CAPN3: variants seen among roughly 807,000 people sequenced by gnomAD.
CAPN3 encodes the protein calpain 3.
CAPN3 carries 88 observed loss-of-function variants against 114.0 expected under a neutral mutation model. The observed-to-expected ratio is 0.77, with a 90% CI of 0.65 to 0.92. The LOEUF (loss-of-function observed/expected upper bound fraction) is 0.92. Among genes scored for constraint, CAPN3 ranks in the 40% least tolerant of loss-of-function variants. The pLI is 0.00. For missense variants in CAPN3, 1,028 were observed against 1,069.0 expected (o/e 0.96, Z 0.53); for synonymous variants, 386 against 382.9 (o/e 1.01, Z -0.09).
chr15:42,411,761 C>T lies in CAPN3; in HGVS notation c.2454C>T (p.Thr818=), dbSNP rs1439638044. Residue 818 remains threonine, a synonymous_variant, in exon 24 of 24, where the codon ACC becomes ACT. Coordinates refer to ENST00000397163, the MANE Select transcript of CAPN3 (RefSeq NM_000070.3). ...KLNVLEWLQL[T]MYA Reference sequence around the variant, plus strand: ...ACTTCTTTCAGTGGCTGCAGCTCACCATGTATGCCTGAACCAGGCTGGCCT... The same window carrying T: ...ACTTCTTTCAGTGGCTGCAGCTCACTATGTATGCCTGAACCAGGCTGGCCT... 1.2e-6 allele frequency: 2 copies of T among 1,605,354 alleles called. No individual in the cohort carries two copies. Among genetic ancestry groups the T allele is most frequent in the South Asian group, 2.2e-5 (2 of 90,852 alleles).
chr15:42,400,250 A>G (rs2053827131), intron 10 of CAPN3, among the ~76,000 whole-genome samples: 1 of 152,214 alleles, frequency 6.6e-6, no homozygotes, highest in Non-Finnish European at 1.5e-5. Flanking sequence ...TAAGGGCACT[A>G]TTGGAGAACC....
At chr15:42,385,999 A>G (rs112030281) in intron 2 of CAPN3, 168 bp from the exon 3 acceptor site, 16 of 750,002 alleles carry the variant, frequency 2.1e-5, no homozygotes, top group African/African-American at 5.1e-5. Context: ...TTCCTGTCCA[A>G]TTCTCCTTCC....
chr15:42,382,327 A>C (rs1262934194), intron 1 of CAPN3, among the ~76,000 whole-genome samples: 1 of 151,776 alleles, frequency 6.6e-6, no homozygotes, highest in African/African-American at 2.4e-5. Flanking sequence ...ATGTGTTTTT[A>C]TTTAAGGAAA....
At chr15:42,377,599 G>A (rs2053123357) in intron 1 of CAPN3, among the ~76,000 whole-genome samples, 1 of 152,100 alleles carries the variant, frequency 6.6e-6, no homozygotes, top group African/African-American at 2.4e-5. Context: ...TTGCTTCTAT[G>A]TTCATAACAG....
chr15:42,399,859 T>C (rs979093713), intron 10 of CAPN3, among the ~76,000 whole-genome samples: 2 of 152,214 alleles, frequency 1.3e-5, no homozygotes, highest in African/African-American at 2.4e-5. Context: ...GTGGGAACAA[T>C]GCAGATGCTG....
rs28364388 is a variant in CAPN3 at position 42,384,239 on chromosome 15, G to A, written c.310-244G>A. Among the ~76,000 whole-genome samples, 24,797 of 151,788 alleles carry A rather than the reference G, an allele frequency of 0.16. 2,197 individuals are homozygous for A. Among genetic ancestry groups the A allele is most frequent in the South Asian group, 0.26 (1,243 of 4,796 alleles). On this transcript the variant is annotated intron_variant, in intron 1 of 23. Transcript: ENST00000397163. ...CCATCCTGGCCAACATGGTGAAACC[G>A]TATCTCTACTAAAGATACAAAAATT... is the stretch of plus-strand genomic sequence containing the variant.
rs954726178 is a variant in CAPN3, at chr15:42,378,901, T to C, written c.310-5582T>C. On this transcript the variant is annotated intron_variant, in intron 1 of 23. Transcript: ENST00000397163. Reference sequence around the variant, plus strand: ...TGAAATTTCTTCTTTGACCCTTGTGTTATTTAGAACTGTGTTGTTTGGTTT... The same window carrying C: ...TGAAATTTCTTCTTTGACCCTTGTGCTATTTAGAACTGTGTTGTTTGGTTT... 2.0e-5 allele frequency among the ~76,000 whole-genome samples: 3 copies of C among 152,230 alleles called. 1 individual carries two copies. The highest frequency in any genetic ancestry group is 4.4e-5 in the Non-Finnish European group (3 of 68,038).
intron 21 of CAPN3, 58 bp from the exon 22 acceptor site, chr15:42,410,826 G>T: frequency 6.8e-7 from 1 of 1,467,466 alleles, no homozygotes; most frequent in East Asian, 2.3e-5. Context: ...AGGGAAAATA[G>T]AAGGCAGGCC....
At chr15:42,369,869 T>C (rs1466289182) in intron 1 of CAPN3, among the ~76,000 whole-genome samples, 1 of 138,922 alleles carries the variant, frequency 7.2e-6, no homozygotes, top group Non-Finnish European at 1.5e-5. Context: ...TTTCTTTCTT[T>C]CTTTTTTTTT....
chr15:42,386,411 A>G lies in CAPN3; in HGVS notation c.498+126A>G, dbSNP rs12438453. 0.15 allele frequency: 118,959 copies of G among 779,062 alleles called. 10,708 individuals are homozygous for G. Among genetic ancestry groups the G allele is most frequent in the Admixed American group, 0.28 (16,093 of 58,416 alleles). 48.3% of individuals were successfully genotyped at this position (779,062 alleles called of 1,614,324 possible). On this transcript the variant is annotated intron_variant, in intron 3 of 23. Transcript: ENST00000397163. ...TCTACCCGCAGCGGCAACAGTCGGC[A>G]TGGACCCCCTTAAGGCTTCAAGCCT...
intron 7 of CAPN3, 70 bp from the exon 8 acceptor site, chr15:42,394,186 C>T: frequency 2.1e-6 from 3 of 1,415,820 alleles, no homozygotes; most frequent in Non-Finnish European, 2.9e-6. Flanking sequence ...CCGTCCCAGC[C>T]CTCAGCAAGA....
chr15:42,371,990 A>G (rs553206004), intron 1 of CAPN3, among the ~76,000 whole-genome samples: 1 of 149,816 alleles, frequency 6.7e-6, no homozygotes, highest in East Asian at 1.9e-4. Flanking sequence ...AATCTTAAAA[A>G]TTAAAAAAAA....
chr15:42,409,171 T>A, intron 16 of CAPN3, 132 bp from the exon 17 acceptor site: 1 of 758,326 alleles, frequency 1.3e-6, no homozygotes, highest in Non-Finnish European at 2.3e-6. Flanking sequence ...AGGTCTGCAT[T>A]TGCCCGTCCC....
chr15:42,411,066 C>A, intron 22 of CAPN3, 66 bp downstream of exon 22: 1 of 1,278,170 alleles, frequency 7.8e-7, no homozygotes, highest in Non-Finnish European at 1.1e-6. Context: ...AGGCATCTCA[C>A]CTGATAATCT....
At chr15:42,383,765 G>A (rs1299367108) in intron 1 of CAPN3, among the ~76,000 whole-genome samples, 1 of 151,676 alleles carries the variant, frequency 6.6e-6, no homozygotes, top group African/African-American at 2.4e-5. Context: ...TAGAGACAGG[G>A]TTTCACTATG....
chr15:42,380,012 A>G (rs1448835653), intron 1 of CAPN3, among the ~76,000 whole-genome samples: 2 of 152,204 alleles, frequency 1.3e-5, no homozygotes, highest in Admixed American at 6.5e-5. Context: ...GCTACTCAGG[A>G]TGCTGAGATG....
chr15:42,395,394 G>A (rs1235506266), intron 8 of CAPN3, among the ~76,000 whole-genome samples: 3 of 152,162 alleles, frequency 2.0e-5, no homozygotes, highest in South Asian at 2.1e-4. Flanking sequence ...ACACAGACAC[G>A]TGGGCCCTGT....
intron 1 of CAPN3, among the ~76,000 whole-genome samples, chr15:42,368,213 C>G (rs1161275774): frequency 2.0e-5 from 3 of 152,194 alleles, no homozygotes; most frequent in Non-Finnish European, 4.4e-5. Flanking sequence ...ACCCCACATG[C>G]CTGTTCCCAG....
At chr15:42,360,551 C>A (rs2052615431) in intron 1 of CAPN3, among the ~76,000 whole-genome samples, 1 of 152,034 alleles carries the variant, frequency 6.6e-6, no homozygotes, top group Non-Finnish European at 1.5e-5. Context: ...TGATGTTATT[C>A]TTCTTTAATT....
Sources: gnomAD v4.1 joint callset for allele counts (sites outside exome capture counted in the v4.1 genomes callset) on GRCh38, gnomAD v4.1.1 for gene constraint, MANE v1.5 for transcripts, NCBI Gene and HGNC (gene_info 2026-07-23, HGNC 2026-07-21) for gene names.